OSBPL1A: variants seen among roughly 807,000 people sequenced by gnomAD.
OSBPL1A encodes oxysterol-binding protein-related protein 1.
OSBPL1A carries 80 observed loss-of-function variants against 137.1 expected under a neutral mutation model. The observed-to-expected ratio is 0.58, with a 90% CI of 0.49 to 0.70. OSBPL1A has a LOEUF of 0.70. Ranked by LOEUF, OSBPL1A falls within the 30% of genes least tolerant of loss-of-function variation. OSBPL1A has a pLI of 0.00. For synonymous variants in OSBPL1A, 365 were observed against 389.7 expected (o/e 0.94, Z 0.75); for missense variants, 970 against 1,129.4 (o/e 0.86, Z 2.02).
At chr18:24,228,566 G>A (rs766067712) in intron 16 of OSBPL1A, among the ~76,000 whole-genome samples, 5 of 152,118 alleles carry the variant, frequency 3.3e-5, no homozygotes, top group Non-Finnish European at 5.9e-5. Flanking sequence ...GCCCAGCAGC[G>A]GGGAAGTGTT....
At chr18:24,393,764 T>G (rs1283903805) in intron 1 of OSBPL1A, among the ~76,000 whole-genome samples, 1 of 152,212 alleles carries the variant, frequency 6.6e-6, no homozygotes, top group African/African-American at 2.4e-5. Context: ...TGCTATGTAT[T>G]TTATAAAATT....
intron 17 of OSBPL1A, among the ~76,000 whole-genome samples, chr18:24,211,011 G>A (rs1358215726): frequency 1.3e-5 from 2 of 152,058 alleles, no homozygotes; most frequent in East Asian, 3.9e-4. Context: ...TGTCACCCAC[G>A]CTGGAATGCC....
chr18:24,267,066 T>A (rs1319410443), intron 15 of OSBPL1A, among the ~76,000 whole-genome samples: 9 of 151,434 alleles, frequency 5.9e-5, no homozygotes, highest in Non-Finnish European at 1.3e-4. Flanking sequence ...TGAAAAGAAA[T>A]TTATTTGGAG....
chr18:24,268,245 A>G (rs2089630978), intron 15 of OSBPL1A, among the ~76,000 whole-genome samples: 1 of 152,040 alleles, frequency 6.6e-6, no homozygotes, highest in Admixed American at 6.6e-5. Context: ...CCTCCCAAGT[A>G]GCTGGGACCA....
rs900971849 is a variant in OSBPL1A at position 24,368,338 on chromosome 18, T to C, written c.156A>G (p.Leu52=). The stretch of plus-strand genomic sequence containing the variant: ...TGTGTCCAAAATAGCATGCCAGATG[T>C]AGAGGTGTCCAGCCCAAGTTAGACT... The part of the protein sequence containing the change: ...RSKSNLGWTP[L]HLACYFGHRQ... The change falls in exon 3 of 28, where the codon CTA becomes CTG. Residue 52 remains leucine (L), a synonymous_variant. Transcript: ENST00000319481. 14 of 1,613,654 alleles carry C rather than the reference T, an allele frequency of 8.7e-6. No homozygotes were observed. In the African/African-American group the frequency reaches 1.5e-4, roughly 17 times the overall value.
intron 4 of OSBPL1A, 84 bp from the exon 5 acceptor site, chr18:24,341,742 GAGTCTCCACA>G: frequency 2.5e-6 from 2 of 805,554 alleles, no homozygotes; most frequent in Non-Finnish European, 4.0e-6. Flanking sequence ...AACTACTACA[GAGTCTCCACA>G]ATAGAAAAAA....
chr18:24,330,027 G>C (rs1275851570), intron 7 of OSBPL1A, among the ~76,000 whole-genome samples: 1 of 152,148 alleles, frequency 6.6e-6, no homozygotes, highest in Non-Finnish European at 1.5e-5. Context: ...AATGTAACCT[G>C]GCTATGCCAA....
Position 24,267,195 on chromosome 18 carries a change from C to T in OSBPL1A, c.1281+13647G>A, listed in dbSNP as rs888260299. 4.0e-5 allele frequency among the ~76,000 whole-genome samples: 6 copies of T among 149,602 alleles called. 1 individual carries two copies. Among genetic ancestry groups the T allele is most frequent in the Admixed American group, 2.0e-4 (3 of 15,078 alleles). Reference sequence around the variant, plus strand: ...GAAAATTATGAATACCTTTATAATACATTTCAAAACTTAAAAGAATTCCTA... The same window carrying T: ...GAAAATTATGAATACCTTTATAATATATTTCAAAACTTAAAAGAATTCCTA... On this transcript the variant is annotated intron_variant, in intron 15 of 27. Transcript: ENST00000319481.
chr18:24,335,588 G>A (rs2091161708), intron 5 of OSBPL1A, among the ~76,000 whole-genome samples: 1 of 152,204 alleles, frequency 6.6e-6, no homozygotes, highest in South Asian at 2.1e-4. Context: ...GAACGACTTG[G>A]TGATCCCACT....
chr18:24,192,123 C>T (rs193242685), intron 18 of OSBPL1A, among the ~76,000 whole-genome samples: 2 of 152,290 alleles, frequency 1.3e-5, no homozygotes, highest in African/African-American at 4.8e-5. Flanking sequence ...CATTTGAACA[C>T]ACACAAGGGC....
chr18:24,226,966 A>G (rs1451525121), intron 16 of OSBPL1A, among the ~76,000 whole-genome samples: 1 of 138,930 alleles, frequency 7.2e-6, no homozygotes, highest in Admixed American at 8.2e-5. Flanking sequence ...ATCTCGGCTC[A>G]CTGCAACCTC....
intron 2 of OSBPL1A, among the ~76,000 whole-genome samples, chr18:24,371,285 T>C (rs558876043): frequency 1.3e-5 from 2 of 152,184 alleles, no homozygotes; most frequent in Non-Finnish European, 2.9e-5. Context: ...ATCTCTCATA[T>C]ATTCCAACAA....
chr18:24,175,564 G>A (rs557992831), intron 21 of OSBPL1A, among the ~76,000 whole-genome samples: 2 of 152,174 alleles, frequency 1.3e-5, no homozygotes, highest in East Asian at 1.9e-4. Context: ...TATATGATTT[G>A]CAAATAATTT....
At chr18:24,201,566 C>G (rs1361075866) in intron 17 of OSBPL1A, among the ~76,000 whole-genome samples, 2 of 152,082 alleles carry the variant, frequency 1.3e-5, no homozygotes, top group African/African-American at 2.4e-5. Context: ...AGTTTGAGAC[C>G]AGCCTGGCCA....
At chr18:24,346,064 G>A (rs1029587876) in intron 4 of OSBPL1A, among the ~76,000 whole-genome samples, 6 of 152,270 alleles carry the variant, frequency 3.9e-5, no homozygotes, top group Admixed American at 3.3e-4. Flanking sequence ...CTTTGAGCAT[G>A]ATACTTTTAT....
chr18:24,384,253 T>C (rs1432506453), intron 1 of OSBPL1A, among the ~76,000 whole-genome samples: 1 of 152,198 alleles, frequency 6.6e-6, no homozygotes, highest in Non-Finnish European at 1.5e-5. Flanking sequence ...GAGATTCCTG[T>C]GGGAAACAGA....
intron 14 of OSBPL1A, chr18:24,301,274 C>A (rs2090395718): frequency 6.6e-6 from 1 of 152,178 alleles, no homozygotes; most frequent in African/African-American, 2.4e-5. Flanking sequence ...TCAATCATTG[C>A]TAATACAGAT....
intron 4 of OSBPL1A, among the ~76,000 whole-genome samples, chr18:24,344,521 G>T (rs1199126989): frequency 6.6e-6 from 1 of 152,232 alleles, no homozygotes; most frequent in African/African-American, 2.4e-5. Flanking sequence ...AGTGGAGATA[G>T]CAGAAAGGAG....
chr18:24,172,587 C>T, intron 21 of OSBPL1A, 104 bp from the exon 22 acceptor site: 2 of 724,924 alleles, frequency 2.8e-6, no homozygotes, highest in Non-Finnish European at 4.7e-6. Context: ...AACCAGGCTG[C>T]TTGAGATAAC....
Sources: gnomAD v4.1 joint callset for allele counts (sites outside exome capture counted in the v4.1 genomes callset) on GRCh38, gnomAD v4.1.1 for gene constraint, MANE v1.5 for transcripts, NCBI Gene and HGNC (gene_info 2026-07-23, HGNC 2026-07-21) for gene names.